NCKAP5: variants seen among roughly 807,000 people sequenced by gnomAD.
The protein encoded by NCKAP5 is NCK associated protein 5, also known as nck-associated protein 5.
NCKAP5 carries 92 observed loss-of-function variants against 167.0 expected under a neutral mutation model. The ratio of observed to expected loss-of-function variants is 0.55; its 90% confidence interval spans 0.47 to 0.66. The LOEUF (loss-of-function observed/expected upper bound fraction) is 0.66, where lower values mean the gene tolerates loss of function less well. NCKAP5 is among the 30% of genes least tolerant of loss of function. The pLI, the probability that NCKAP5 is intolerant of heterozygous loss-of-function variation, is 0.00. For synonymous variants in NCKAP5, 891 were observed against 877.4 expected, an observed-to-expected ratio of 1.02 and a Z score of -0.27; for missense variants, 2,378 against 2,315.0, an observed-to-expected ratio of 1.03 and a Z score of -0.56.
chr2:132,865,935 C>T (rs1574462053), intron 10 of NCKAP5, among the ~76,000 whole-genome samples: 1 of 152,178 alleles, frequency 6.6e-6, no homozygotes, highest in South Asian at 2.1e-4. Context: ...TATAAACAGC[C>T]ACCTGATACC....
intron 19 of NCKAP5, among the ~76,000 whole-genome samples, chr2:132,693,946 C>T (rs1442676936): frequency 1.3e-5 from 2 of 151,820 alleles, no homozygotes; most frequent in Non-Finnish European, 2.9e-5. Context: ...GTTAAGCCCT[C>T]TCGTTTATGG....
In NCKAP5 at chr2:132,889,898, C is replaced by G. The variant is rs185282087; in HGVS notation, c.580-10982G>C. ...TGCAAATGAAACAGGTAGAAATGAA[C>G]AGGGTTGAGTGGTGTGGAGGAAAGA... On this transcript the variant is annotated intron_variant, in intron 8 of 19. Transcript: ENST00000409261. 5.1e-4 allele frequency among the ~76,000 whole-genome samples: 77 copies of G among 152,044 alleles called. 1 individual carries two copies. Among genetic ancestry groups the G allele is most frequent in the Admixed American group, 2.4e-3 (37 of 15,262 alleles).
At chr2:133,370,566 T>C (rs186754620) in intron 3 of NCKAP5, among the ~76,000 whole-genome samples, 1 of 152,288 alleles carries the variant, frequency 6.6e-6, no homozygotes, top group East Asian at 1.9e-4. Flanking sequence ...CATCAGTGCA[T>C]AGCTAGACTC....
chr2:132,818,934 T>G (rs186675551), intron 11 of NCKAP5, among the ~76,000 whole-genome samples: 136 of 152,354 alleles, frequency 8.9e-4, no homozygotes, highest in East Asian at 1.9e-4. Context: ...GCGCTTGCTA[T>G]TTCATGCTTT....
chr2:132,889,555 T>A lies in NCKAP5; in HGVS notation c.580-10639A>T, dbSNP rs567263728. The stretch of plus-strand genomic sequence containing the variant: ...CAATAGGATCAGAACAAAAAAAAAA[T>A]CAACAAACTTCAGATGAGGTAGGAA... On this transcript the variant is annotated intron_variant, in intron 8 of 19. Coordinates refer to ENST00000409261, the MANE Select transcript of NCKAP5 (RefSeq NM_207363.3). Among the ~76,000 whole-genome samples, 4 of 151,666 alleles carry A rather than the reference T, an allele frequency of 2.6e-5. No homozygotes were observed. In the East Asian group the frequency reaches 7.8e-4, roughly 29 times the overall value.
intron 3 of NCKAP5, among the ~76,000 whole-genome samples, chr2:133,325,076 A>C (rs1440794747): frequency 6.6e-6 from 1 of 152,196 alleles, no homozygotes; most frequent in Non-Finnish European, 1.5e-5. Flanking sequence ...TGTTATGTGT[A>C]GTGCTAGGAG....
intron 4 of NCKAP5, among the ~76,000 whole-genome samples, chr2:133,229,199 A>G (rs2087030003): frequency 6.6e-6 from 1 of 152,260 alleles, no homozygotes; most frequent in Non-Finnish European, 1.5e-5. Flanking sequence ...GATAACAACC[A>G]GGCAGGAAAA....
At chr2:133,281,483 G>T (rs975092330) in intron 4 of NCKAP5, among the ~76,000 whole-genome samples, 1 of 152,088 alleles carries the variant, frequency 6.6e-6, no homozygotes, top group Admixed American at 6.6e-5. Flanking sequence ...AGAAGCCTGG[G>T]CCTCAGAATT....
chr2:133,322,025 C>T (rs1162100264), intron 3 of NCKAP5, among the ~76,000 whole-genome samples: 1 of 152,128 alleles, frequency 6.6e-6, no homozygotes, highest in African/African-American at 2.4e-5. Flanking sequence ...TAAAAATGTG[C>T]ATTTTTCTAG....
intron 3 of NCKAP5, among the ~76,000 whole-genome samples, chr2:133,503,328 T>C (rs1682706544): frequency 6.6e-6 from 1 of 152,198 alleles, no homozygotes; most frequent in African/African-American, 2.4e-5. Context: ...GTTCTTACTG[T>C]TCTGGAGTAT....
At chr2:133,049,040 TA>T (rs1469685866) in intron 6 of NCKAP5, among the ~76,000 whole-genome samples, 13 of 152,152 alleles carry the variant, frequency 8.5e-5, no homozygotes, top group Non-Finnish European at 1.5e-4. Context: ...TTATAAGAGT[TA>T]AAAAAGTGAA....
chr2:133,208,159 C>T (rs542244035), intron 5 of NCKAP5, among the ~76,000 whole-genome samples: 3 of 152,082 alleles, frequency 2.0e-5, no homozygotes, highest in South Asian at 2.1e-4. Flanking sequence ...GACAACATGG[C>T]GAGACCCTGT....
At chr2:132,791,449 C>T (rs1684062669) in intron 12 of NCKAP5, among the ~76,000 whole-genome samples, 1 of 152,228 alleles carries the variant, frequency 6.6e-6, no homozygotes, top group Admixed American at 6.5e-5. Flanking sequence ...CCTCCAAACA[C>T]ATCTTGACAG....
intron 3 of NCKAP5, among the ~76,000 whole-genome samples, chr2:133,427,568 C>T (rs1689892774): frequency 1.3e-5 from 2 of 152,024 alleles, no homozygotes; most frequent in African/African-American, 4.8e-5. Flanking sequence ...GATAAAGAAA[C>T]TCTGATAAAA....
At chr2:133,512,201 C>G (rs556194004) in intron 3 of NCKAP5, among the ~76,000 whole-genome samples, 1 of 152,176 alleles carries the variant, frequency 6.6e-6, no homozygotes, top group Non-Finnish European at 1.5e-5. Flanking sequence ...TGAACATACT[C>G]TATGTCAATA....
chr2:132,964,885 A>C (rs1286688511), intron 7 of NCKAP5, among the ~76,000 whole-genome samples: 3 of 152,262 alleles, frequency 2.0e-5, no homozygotes, highest in Non-Finnish European at 4.4e-5. Context: ...GAAGAACATA[A>C]GAAGAAAAAA....
intron 4 of NCKAP5, among the ~76,000 whole-genome samples, chr2:133,215,060 C>T (rs564323485): frequency 1.3e-5 from 2 of 152,244 alleles, no homozygotes; most frequent in South Asian, 2.1e-4. Flanking sequence ...AGAAGGGAGA[C>T]TAGACTAGGA....
chr2:133,653,099 G>A, the NCKAP5 span, among the ~76,000 whole-genome samples: 1 of 152,176 alleles, frequency 6.6e-6, no homozygotes, highest in Non-Finnish European at 1.5e-5. Flanking sequence ...ATTAGTCCAT[G>A]ACCTGTCCTG....
At chr2:133,647,388 G>A in the NCKAP5 span, among the ~76,000 whole-genome samples, 33 of 114,958 alleles carry the variant, frequency 2.9e-4, no homozygotes, top group African/African-American at 9.5e-4. Context: ...AGGAAGGAAG[G>A]AAGGAAGGAA....
Sources: allele counts gnomAD v4.1 joint callset (sites outside exome capture counted in the v4.1 genomes callset), GRCh38; gene constraint gnomAD v4.1.1; transcripts MANE v1.5; gene names NCBI Gene and HGNC (gene_info 2026-07-23, HGNC 2026-07-21).